ABCC4: variants seen among roughly 807,000 people sequenced by gnomAD.
The protein encoded by ABCC4 is ATP-binding cassette sub-family C member 4.
ABCC4 carries 102 observed loss-of-function variants against 168.5 expected under a neutral mutation model. The ratio of observed to expected loss-of-function variants is 0.61; its 90% CI spans 0.52 to 0.71. The LOEUF (loss-of-function observed/expected upper bound fraction) is 0.71, where lower values mean the gene tolerates loss of function less well. Ranked by LOEUF, ABCC4 falls within the 30% of genes least tolerant of loss-of-function variation. The probability of loss-of-function intolerance (pLI) is 0.00; values close to 1 mark genes in which losing one functional copy is unlikely to be tolerated. For missense variants in ABCC4, 1,402 were observed against 1,605.8 expected (o/e 0.87, Z 2.17); for synonymous variants, 617 against 590.7 (o/e 1.04, Z -0.65).
intron 20 of ABCC4, among the ~76,000 whole-genome samples, chr13:95,092,068 G>A (rs116703963): frequency 0.013 from 1,961 of 152,206 alleles, 39 homozygotes; most frequent in African/African-American, 0.045. Flanking sequence ...GACAAAGAGG[G>A]ACATTATCTA....
intron 19 of ABCC4, among the ~76,000 whole-genome samples, chr13:95,121,087 G>A (rs2035555401): frequency 6.6e-6 from 1 of 152,184 alleles, no homozygotes; most frequent in Non-Finnish European, 1.5e-5. Flanking sequence ...GCTCACAGAA[G>A]GCATGAAAGA....
In ABCC4 at chr13:95,247,005, A is replaced by G. The variant is rs199768892; in HGVS notation, c.276T>C (p.Tyr92=). 2.5e-5 allele frequency: 40 copies of G among 1,612,554 alleles called. No individual in the cohort carries two copies. In the South Asian group the frequency reaches 3.5e-4, roughly 14 times the overall value. Residue 92 remains tyrosine, a synonymous_variant, in exon 3 of 31, where the codon TAT becomes TAC. Transcript: ENST00000645237. ...TTAACGTAAAAATTCCCAAAACTAA[A>G]TAAGATTTCCAGTAACACTTTATGA... The part of the protein sequence containing the change: ...RAIIKCYWKS[Y]LVLGIFTLIE...
At chr13:95,155,887 C>G (rs75432690) in intron 19 of ABCC4, among the ~76,000 whole-genome samples, 1 of 152,162 alleles carries the variant, frequency 6.6e-6, no homozygotes, top group Non-Finnish European at 1.5e-5. Context: ...GACAACAAAC[C>G]GCTCATCTTT....
intron 29 of ABCC4, among the ~76,000 whole-genome samples, chr13:95,039,788 G>A (rs2032276092): frequency 6.6e-6 from 1 of 152,250 alleles, no homozygotes; most frequent in South Asian, 2.1e-4. Context: ...TTGGCAGGAT[G>A]CCATCGCTGA....
At chr13:95,295,970 A>AC (rs1433741537) in intron 1 of ABCC4, among the ~76,000 whole-genome samples, 16 of 151,756 alleles carry the variant, frequency 1.1e-4, no homozygotes, top group Non-Finnish European at 1.3e-4. Flanking sequence ...GTCAAAAAAA[A>AC]AAAAAAAAAA....
chr13:95,264,864 C>CTTTTTTT, intron 1 of ABCC4, among the ~76,000 whole-genome samples: 1 of 106,486 alleles, frequency 9.4e-6, no homozygotes, highest in Non-Finnish European at 2.0e-5. Context: ...CTACAATCCA[C>CTTTTTTT]TTTTTTTTTT....
chr13:95,166,993 C>A (rs934332440), intron 14 of ABCC4, among the ~76,000 whole-genome samples: 5 of 151,948 alleles, frequency 3.3e-5, no homozygotes, highest in African/African-American at 1.2e-4. Flanking sequence ...TCGAGACTAG[C>A]CTGGCCAACA....
At chr13:95,106,234 G>A (rs1185446787) in intron 20 of ABCC4, among the ~76,000 whole-genome samples, 1 of 151,888 alleles carries the variant, frequency 6.6e-6, no homozygotes, top group Admixed American at 6.6e-5. Context: ...AGCCACAAAT[G>A]TTATTTTCCT....
At chr13:95,206,931 T>C in intron 7 of ABCC4, 150 bp from the exon 8 acceptor site, 4 of 863,230 alleles carry the variant, frequency 4.6e-6, no homozygotes, top group Non-Finnish European at 7.2e-6. Context: ...AACAAAAAAG[T>C]GCAAAGGTGA....
chr13:95,233,989 T>C (rs1320502454), intron 4 of ABCC4, among the ~76,000 whole-genome samples: 2 of 152,206 alleles, frequency 1.3e-5, no homozygotes, highest in African/African-American at 4.8e-5. Context: ...ATTTAGAATA[T>C]AAAGAAAGCC....
intron 14 of ABCC4, 161 bp downstream of exon 14, chr13:95,170,371 G>A (rs1204131253): frequency 5.8e-6 from 3 of 516,002 alleles, no homozygotes; most frequent in Non-Finnish European, 1.0e-5. Context: ...CGGTAATATG[G>A]TTTAGCATGT....
chr13:95,211,729 G>A (rs775710989), intron 4 of ABCC4, among the ~76,000 whole-genome samples: 3 of 152,142 alleles, frequency 2.0e-5, no homozygotes, highest in Non-Finnish European at 4.4e-5. Context: ...TCAACTTAAG[G>A]AAGGTTAAAC....
At chr13:95,282,806 T>G (rs1225772536) in intron 1 of ABCC4, among the ~76,000 whole-genome samples, 1 of 152,198 alleles carries the variant, frequency 6.6e-6, no homozygotes, top group South Asian at 2.1e-4. Context: ...GTGCTGGGAT[T>G]ACAGGTGTGA....
Position 95,067,345 on chromosome 13 carries a change from G to A in ABCC4, c.3210+4317C>T, listed in dbSNP as rs367635531. Among the ~76,000 whole-genome samples the A allele has an allele frequency of 5.3e-5, 8 of 152,270 alleles. No homozygotes were observed. The East Asian group carries it at 1.5e-3, about 29-fold the overall frequency. ...ATAAAAGTAAAAAAACAAAAAACCT[G>A]TAGGGTGGCACTTGGCCCAGGACTA... On this transcript the variant is annotated intron_variant, in intron 25 of 30. Transcript: ENST00000645237.
intron 1 of ABCC4, among the ~76,000 whole-genome samples, chr13:95,280,734 G>A (rs990085286): frequency 1.3e-5 from 2 of 152,030 alleles, no homozygotes; most frequent in Non-Finnish European, 2.9e-5. Context: ...TTACAGGAAA[G>A]GAATTCCTCC....
chr13:95,173,135 T>A (rs920702953), intron 13 of ABCC4, among the ~76,000 whole-genome samples: 2 of 151,932 alleles, frequency 1.3e-5, no homozygotes, highest in Non-Finnish European at 2.9e-5. Context: ...GATAGTAAAG[T>A]AAACCATGAA....
At chr13:95,092,102 G>A (rs1199455842) in intron 20 of ABCC4, among the ~76,000 whole-genome samples, 1 of 152,026 alleles carries the variant, frequency 6.6e-6, no homozygotes, top group Non-Finnish European at 1.5e-5. Context: ...TTGTCCAAAA[G>A]GAAAATATCA....
chr13:95,299,512 C>T (rs2041619754), intron 1 of ABCC4, among the ~76,000 whole-genome samples: 1 of 152,076 alleles, frequency 6.6e-6, no homozygotes, highest in Non-Finnish European at 1.5e-5. Context: ...AACCTGAGGC[C>T]CATGGGCTGC....
intron 4 of ABCC4, 140 bp from the exon 5 acceptor site, chr13:95,210,921 C>A: frequency 3.4e-6 from 2 of 590,352 alleles, no homozygotes; most frequent in African/African-American, 1.9e-5. Flanking sequence ...CCACTGCCCC[C>A]TCTCTCTGCC....
Sources: allele counts gnomAD v4.1 joint callset (sites outside exome capture counted in the v4.1 genomes callset), GRCh38; gene constraint gnomAD v4.1.1; transcripts MANE v1.5; gene names NCBI Gene and HGNC (gene_info 2026-07-23, HGNC 2026-07-21).